ATRN: variants seen among roughly 807,000 people sequenced by gnomAD.
ATRN encodes attractin-2.
A neutral mutation model predicts 178.7 loss-of-function variants in ATRN; 54 were observed. That is an observed-to-expected ratio of 0.30 (90% CI 0.24 to 0.38). ATRN has a LOEUF of 0.38. ATRN is among the 10% of genes least tolerant of loss of function. The pLI, the probability that ATRN is intolerant of heterozygous loss-of-function variation, is 1.00. For synonymous variants in ATRN, 636 were observed against 663.0 expected, an observed-to-expected ratio of 0.96 and a Z score of 0.63; for missense variants, 1,443 against 1,815.1, an observed-to-expected ratio of 0.79 and a Z score of 3.73.
rs759011704 is a variant in ATRN at position 3,645,887 on chromosome 20, A to AATGGATG, written c.4166-836_4166-835insATGGATG. ...CGTATATTAGGAATCCAGCTCCCCC[A>AATGGATG]GAACCGTGCCTTCCCTAATGGATGT... is the stretch of plus-strand genomic sequence containing the variant. On this transcript the variant is annotated intron_variant, in intron 28 of 28. Coordinates refer to ENST00000262919, the MANE Select transcript of ATRN (RefSeq NM_139321.3). This position sits in a 1 kb window ranked among gnomAD's most constrained non-coding sequence, Gnocchi z 4.7. Among the ~76,000 whole-genome samples the AATGGATG allele has an allele frequency of 5.1e-4, 78 of 152,130 alleles. 1 individual carries two copies. The highest frequency in any genetic ancestry group is 6.3e-4 in the Non-Finnish European group (43 of 67,996).
At chr20:3,547,064 A>G (rs2085714368) in intron 4 of ATRN, among the ~76,000 whole-genome samples, 1 of 152,180 alleles carries the variant, frequency 6.6e-6, no homozygotes, top group South Asian at 2.1e-4. Context: ...TCCTCTTATT[A>G]TGAGAATCCA....
intron 18 of ATRN, among the ~76,000 whole-genome samples, chr20:3,586,910 A>G (rs927931505): frequency 2.0e-5 from 3 of 152,200 alleles, no homozygotes; most frequent in East Asian, 3.9e-4. Context: ...ACTTGTTACT[A>G]TCTTTTTAAT....
chr20:3,506,057 GACACATACACAT>G (rs146070756), intron 1 of ATRN, among the ~76,000 whole-genome samples: 12 of 151,802 alleles, frequency 7.9e-5, no homozygotes, highest in Non-Finnish European at 8.8e-5. Flanking sequence ...TTGACACACT[GACACATACACAT>G]ACACATACAC....
chr20:3,644,370 C>G, intron 28 of ATRN, 102 bp downstream of exon 28: 3 of 960,146 alleles, frequency 3.1e-6, no homozygotes, highest in Non-Finnish European at 3.2e-6. Flanking sequence ...AAGGTGATAA[C>G]CAACAGTGCC....
At chr20:3,528,901 T>C (rs1248066959) in intron 1 of ATRN, among the ~76,000 whole-genome samples, 4 of 152,040 alleles carry the variant, frequency 2.6e-5, no homozygotes, top group African/African-American at 9.7e-5. Context: ...CAACCTCTGC[T>C]TCCTGGGCTC....
At chr20:3,584,993 C>T (rs1255232803) in intron 18 of ATRN, 113 bp downstream of exon 18, 4 of 1,000,534 alleles carry the variant, frequency 4.0e-6, no homozygotes, top group Non-Finnish European at 4.5e-6. Flanking sequence ...CCCTTTCCTT[C>T]CTCCTAATGG....
chr20:3,500,851 A>T lies in ATRN; in HGVS notation c.410+29334A>T, dbSNP rs1025138075. ...TAAAGTATAATGATAATAAATTTTT[A>T]AAAAAATTTAAAAAAATAAAAATAA... is the stretch of plus-strand genomic sequence containing the variant. On this transcript the variant is annotated intron_variant, in intron 1 of 28. Coordinates refer to ENST00000262919, the MANE Select transcript of ATRN (RefSeq NM_139321.3). Among the ~76,000 whole-genome samples, 8 of 152,200 alleles carry T rather than the reference A, an allele frequency of 5.3e-5. No individual in the cohort carries two copies. The South Asian group carries it at 6.2e-4, about 12-fold the overall frequency.
At chr20:3,615,150 T>C (rs1476239435) in intron 24 of ATRN, among the ~76,000 whole-genome samples, 1 of 152,172 alleles carries the variant, frequency 6.6e-6, no homozygotes, top group Non-Finnish European at 1.5e-5. Context: ...TTAAGAGTTT[T>C]AAGAATTATA....
At chr20:3,528,760 C>T (rs1744860592) in intron 1 of ATRN, among the ~76,000 whole-genome samples, 1 of 152,236 alleles carries the variant, frequency 6.6e-6, no homozygotes, top group Admixed American at 6.5e-5. Context: ...AAGCACATTA[C>T]AAAATAATAT....
intron 1 of ATRN, among the ~76,000 whole-genome samples, chr20:3,521,251 G>A (rs758155157): frequency 2.6e-5 from 4 of 151,866 alleles, no homozygotes; most frequent in African/African-American, 9.7e-5. Context: ...GCATACAAAG[G>A]ATTCTTTGTA....
chr20:3,644,371 C>A, intron 28 of ATRN, 103 bp downstream of exon 28: 1 of 960,124 alleles, frequency 1.0e-6, no homozygotes, highest in Non-Finnish European at 1.6e-6. Flanking sequence ...AGGTGATAAC[C>A]AACAGTGCCT....
intron 14 of ATRN, 62 bp downstream of exon 14, chr20:3,577,059 C>T (rs2086222536): frequency 1.3e-6 from 2 of 1,586,120 alleles, no homozygotes; most frequent in Admixed American, 1.7e-5. Context: ...CTTCCCCCAA[C>T]ACTGTGCAGC....
At chr20:3,630,784 T>C (rs2086983454) in intron 25 of ATRN, among the ~76,000 whole-genome samples, 1 of 152,150 alleles carries the variant, frequency 6.6e-6, no homozygotes, top group East Asian at 1.9e-4. Context: ...AATCCGGAAC[T>C]TTGGTTTTTC....
chr20:3,628,361 G>A (rs969369795), intron 25 of ATRN, among the ~76,000 whole-genome samples: 27 of 152,200 alleles, frequency 1.8e-4, no homozygotes, highest in Non-Finnish European at 3.4e-4. Context: ...AATGTTAGAA[G>A]TTTGAGTTTG....
At chr20:3,591,483 G>A (rs1337112509) in intron 19 of ATRN, among the ~76,000 whole-genome samples, 177 bp downstream of exon 19, 2 of 152,208 alleles carry the variant, frequency 1.3e-5, no homozygotes, top group African/African-American at 4.8e-5. Flanking sequence ...TTTCAGTGTA[G>A]CTGGTTAAAG....
At chr20:3,639,010 G>A (rs1194261632) in intron 27 of ATRN, 75 bp downstream of exon 27, 2 of 1,192,996 alleles carry the variant, frequency 1.7e-6, no homozygotes, top group Non-Finnish European at 2.4e-6. Flanking sequence ...AAACCAGAGA[G>A]AGCAAAAGCC....
At position 3,650,095 on chromosome 20, in the gene ATRN, C is replaced by T. The variant is rs371497859; in HGVS notation, c.*3248C>T. On this transcript the variant is annotated 3_prime_UTR_variant, in exon 29 of 29. Transcript: ENST00000262919. ...AGCAGAAGGAAAGTACTGGACTACC[C>T]GTGGGTAAGTCCTGCCATTCAAGAC... 2.6e-5 allele frequency: 4 copies of T among 152,278 alleles called. No homozygotes were observed. The highest frequency in any genetic ancestry group is 4.4e-5 in the Non-Finnish European group (3 of 68,050). 9.4% of individuals were successfully genotyped at this position (152,278 alleles called of 1,614,324 possible). A position where few individuals can be genotyped will look rare whatever the true frequency, so the allele number is the denominator to read the frequency against.
At position 3,604,200 on chromosome 20, in the gene ATRN, A is replaced by G. The variant is rs1437273578; in HGVS notation, c.3739A>G (p.Asn1247Asp). 6.2e-7 allele frequency: 1 copy of G among 1,613,388 alleles called. No homozygotes were observed. Among genetic ancestry groups the G allele is most frequent in the East Asian group, 2.2e-5 (1 of 44,858 alleles). ...CTCTAATGAGAAGTTTGATTTTCGC[A>G]ACCACCCAAATATCACTTTCTTTGT... ...SFSNEKFDFR[N>D]HPNITFFVYV... Residue 1247 changes from asparagine (N) to aspartate (D), a missense_variant, in exon 24 of 29, where the codon AAC (asparagine) becomes GAC (aspartate). Asn to Asp is a conservative substitution (Grantham distance 23). Coordinates refer to ENST00000262919, the MANE Select transcript of ATRN (RefSeq NM_139321.3).
chr20:3,593,910 A>G (rs1016667610), intron 19 of ATRN, among the ~76,000 whole-genome samples: 5 of 152,154 alleles, frequency 3.3e-5, no homozygotes, highest in East Asian at 3.8e-4. Context: ...GGGAAGAGCT[A>G]TTTTCTGTAA....
Sources: gnomAD v4.1 joint callset for allele counts (sites outside exome capture counted in the v4.1 genomes callset) on GRCh38, gnomAD v4.1.1 for gene constraint, Gnocchi (gnomAD v3.1) non-coding constraint, MANE v1.5 for transcripts, NCBI Gene and HGNC (gene_info 2026-07-23, HGNC 2026-07-21) for gene names.